CAB39L: variants seen among roughly 807,000 people sequenced by gnomAD.
The protein encoded by CAB39L is calcium-binding protein 39-like.
In CAB39L, 23 loss-of-function variants were observed where a neutral mutation model predicts 39.1. The ratio of observed to expected loss-of-function variants is 0.59; its 90% CI spans 0.42 to 0.83. The LOEUF (loss-of-function observed/expected upper bound fraction) is 0.83. Among genes scored for constraint, CAB39L ranks in the 40% least tolerant of loss-of-function variants. The pLI is 0.00. For synonymous variants in CAB39L, 126 were observed against 137.2 expected (o/e 0.92, Z 0.57); for missense variants, 366 against 391.9 (o/e 0.93, Z 0.56).
intron 3 of CAB39L, among the ~76,000 whole-genome samples, chr13:49,392,078 A>G (rs188061588): frequency 6.6e-6 from 1 of 152,160 alleles, no homozygotes; most frequent in East Asian, 1.9e-4. Context: ...CAACATGAAT[A>G]TAAGAAATGC....
At chr13:49,326,731 C>T (rs1954513189) in intron 10 of CAB39L, among the ~76,000 whole-genome samples, 1 of 152,164 alleles carries the variant, frequency 6.6e-6, no homozygotes, top group African/African-American at 2.4e-5. Context: ...TACAAGTAAA[C>T]AAGCGGTCAA....
chr13:49,421,318 C>G (rs1009786084), intron 3 of CAB39L, among the ~76,000 whole-genome samples: 1 of 152,146 alleles, frequency 6.6e-6, no homozygotes, highest in Non-Finnish European at 1.5e-5. Flanking sequence ...AAGTGAAACT[C>G]CACCCGACCC....
At chr13:49,414,947 A>G in intron 3 of CAB39L, among the ~76,000 whole-genome samples, 1 of 152,324 alleles carries the variant, frequency 6.6e-6, no homozygotes, top group East Asian at 1.9e-4. Context: ...TAATCCCAGC[A>G]CTTTGGGAGG....
chr13:49,329,539 AAAAAAATATATATATAT>A (rs1954609298), intron 10 of CAB39L, among the ~76,000 whole-genome samples: 3 of 36,244 alleles, frequency 8.3e-5, no homozygotes, highest in Non-Finnish European at 1.4e-4. Context: ...TCAATTAAAA[AAAAAAATATATATATAT>A]ATATATATAT....
chr13:49,386,652 G>T (rs550398336), intron 3 of CAB39L, among the ~76,000 whole-genome samples: 198 of 151,418 alleles, frequency 1.3e-3, no homozygotes, highest in African/African-American at 4.6e-3. Flanking sequence ...CTTCTATTTT[G>T]GGATCCATAT....
At chr13:49,353,852 G>C (rs1252988045) in intron 6 of CAB39L, among the ~76,000 whole-genome samples, 1 of 151,818 alleles carries the variant, frequency 6.6e-6, no homozygotes, top group African/African-American at 2.4e-5. Flanking sequence ...GTCATTTATT[G>C]CTACTTTCTC....
intron 3 of CAB39L, among the ~76,000 whole-genome samples, chr13:49,393,718 G>C (rs1427096475): frequency 7.9e-5 from 12 of 151,916 alleles, no homozygotes; most frequent in Non-Finnish European, 1.2e-4. Flanking sequence ...TTCTTGAATA[G>C]ACAGAATAAA....
chr13:49,424,827 T>C (rs1254669366), intron 3 of CAB39L, among the ~76,000 whole-genome samples: 1 of 152,188 alleles, frequency 6.6e-6, no homozygotes, highest in Non-Finnish European at 1.5e-5. Flanking sequence ...TAAATAAGTA[T>C]ATGGAGATTT....
chr13:49,328,399 C>CT (rs1954566924), intron 10 of CAB39L, among the ~76,000 whole-genome samples: 1 of 152,178 alleles, frequency 6.6e-6, no homozygotes. Context: ...AAACTACCAA[C>CT]TTGTATCTTT....
chr13:49,433,280 G>A, intron 3 of CAB39L, 38 bp downstream of exon 3: 1 of 428,402 alleles, frequency 2.3e-6, no homozygotes, highest in Non-Finnish European at 4.6e-6. Flanking sequence ...TCTGTCGAGA[G>A]CACTTAAAAT....
At chr13:49,421,465 T>A (rs1442754214) in intron 3 of CAB39L, among the ~76,000 whole-genome samples, 1 of 151,926 alleles carries the variant, frequency 6.6e-6, no homozygotes, top group African/African-American at 2.4e-5. Flanking sequence ...TGATCTAATA[T>A]CCCCCTTCCC....
intron 3 of CAB39L, among the ~76,000 whole-genome samples, chr13:49,430,313 T>C (rs1365026065): frequency 6.6e-6 from 1 of 152,204 alleles, no homozygotes; most frequent in African/African-American, 2.4e-5. Flanking sequence ...ATGCTGTGAA[T>C]TTAACTATAA....
chr13:49,405,760 ACGGAGGGACAG>A (rs1263795358), intron 3 of CAB39L, among the ~76,000 whole-genome samples: 78 of 134,674 alleles, frequency 5.8e-4, no homozygotes, highest in Middle Eastern at 3.5e-3. Context: ...GGAGGGAGGG[ACGGAGGGACAG>A]AGGGAGGGAG....
chr13:49,380,572 TTAGA>T (rs1368728990), intron 4 of CAB39L, among the ~76,000 whole-genome samples: 1 of 152,132 alleles, frequency 6.6e-6, no homozygotes, highest in East Asian at 1.9e-4. Flanking sequence ...TGTTCTAGAA[TTAGA>T]TAGCGGTGAG....
chr13:49,416,555 C>T (rs1180930189), intron 3 of CAB39L, among the ~76,000 whole-genome samples: 1 of 152,190 alleles, frequency 6.6e-6, no homozygotes, highest in African/African-American at 2.4e-5. Context: ...CTTTCTTCCC[C>T]TGGACCTGTA....
At chr13:49,356,277 A>G (rs9526546) in intron 6 of CAB39L, among the ~76,000 whole-genome samples, 36,922 of 152,060 alleles carry the variant, frequency 0.24, 4,687 homozygotes, top group Middle Eastern at 0.31. Context: ...TTTTATAATA[A>G]ACTTAAAAAA....
At chr13:49,341,564 G>A (rs1187255209) in intron 8 of CAB39L, among the ~76,000 whole-genome samples, 1 of 152,180 alleles carries the variant, frequency 6.6e-6, no homozygotes, top group African/African-American at 2.4e-5. Context: ...GCAGTAGAAT[G>A]AGGTTATCAG....
At chr13:49,351,844 T>C (rs188081291) in intron 6 of CAB39L, among the ~76,000 whole-genome samples, 39 of 152,256 alleles carry the variant, frequency 2.6e-4, no homozygotes, top group Non-Finnish European at 4.4e-4. Flanking sequence ...AAACTGAGAA[T>C]TCACGAATGA....
At chr13:49,366,876 CGTG>C (rs942153276) in intron 5 of CAB39L, among the ~76,000 whole-genome samples, 4 of 151,962 alleles carry the variant, frequency 2.6e-5, no homozygotes, top group Admixed American at 6.6e-5. Flanking sequence ...ATTAGCTGGG[CGTG>C]GTGGTGCATG....
Sources: gnomAD v4.1 joint callset for allele counts (sites outside exome capture counted in the v4.1 genomes callset) on GRCh38, gnomAD v4.1.1 for gene constraint, MANE v1.5 for transcripts, NCBI Gene and HGNC (gene_info 2026-07-23, HGNC 2026-07-21) for gene names.